The following CSMD3 variants were observed in gnomAD, a reference collection of about 807,000 sequenced individuals.
The protein encoded by CSMD3 is CUB and sushi domain-containing protein 3.
A neutral mutation model predicts 435.2 loss-of-function variants in CSMD3; 177 were observed. That is an observed-to-expected ratio of 0.41 (90% CI 0.36 to 0.46). The LOEUF (loss-of-function observed/expected upper bound fraction) is 0.46, where lower values mean the gene tolerates loss of function less well. Among genes scored for constraint, CSMD3 ranks in the 20% least tolerant of loss-of-function variants. The pLI is 0.34. For synonymous variants in CSMD3, 1,656 were observed against 1,520.5 expected (o/e 1.09, Z -2.07); for missense variants, 4,265 against 4,504.6 (o/e 0.95, Z 1.52).
chr8:112,644,808 C>T (rs1418133950), intron 20 of CSMD3, among the ~76,000 whole-genome samples: 2 of 152,066 alleles, frequency 1.3e-5, no homozygotes, highest in Admixed American at 1.3e-4. Flanking sequence ...ATGCCAGAAA[C>T]TAAAGCCCTC....
chr8:112,662,404 C>G (rs528088774), intron 17 of CSMD3, among the ~76,000 whole-genome samples: 42 of 151,234 alleles, frequency 2.8e-4, no homozygotes, highest in Middle Eastern at 6.8e-3. Context: ...ACAAACCTGA[C>G]AAAAACAAGA....
intron 12 of CSMD3, among the ~76,000 whole-genome samples, chr8:112,814,306 T>C (rs1355935603): frequency 1.3e-5 from 2 of 152,158 alleles, no homozygotes; most frequent in African/African-American, 2.4e-5. Context: ...GAGACAGTCA[T>C]TGTATTGAAA....
chr8:112,706,544 A>G (rs1199692239), intron 13 of CSMD3, among the ~76,000 whole-genome samples: 1 of 151,964 alleles, frequency 6.6e-6, no homozygotes, highest in Non-Finnish European at 1.5e-5. Context: ...TTAGGTATGG[A>G]GAGTAGTTTG....
At chr8:113,005,701 A>G (rs2086030909) in intron 6 of CSMD3, among the ~76,000 whole-genome samples, 1 of 152,038 alleles carries the variant, frequency 6.6e-6, no homozygotes, top group Admixed American at 6.6e-5. Flanking sequence ...TATATAATGT[A>G]AATAGGATTC....
At chr8:112,555,816 G>A (rs1828063943) in intron 25 of CSMD3, among the ~76,000 whole-genome samples, 1 of 151,882 alleles carries the variant, frequency 6.6e-6, no homozygotes, top group Admixed American at 6.6e-5. Flanking sequence ...TTTGTCAAAA[G>A]GTCCAGGTCT....
intron 1 of CSMD3, among the ~76,000 whole-genome samples, chr8:113,376,037 CTTTTA>C (rs2094380480): frequency 6.6e-6 from 1 of 152,062 alleles, no homozygotes; most frequent in Admixed American, 6.5e-5. Flanking sequence ...ATGAATGTAA[CTTTTA>C]TTTTGTCAAT....
chr8:113,357,480 T>C (rs1355147930), intron 1 of CSMD3, among the ~76,000 whole-genome samples: 1 of 152,224 alleles, frequency 6.6e-6, no homozygotes, highest in Non-Finnish European at 1.5e-5. Context: ...ATTTTAATTG[T>C]GTTTAATTTA....
At chr8:112,500,289 A>G (rs1408845405) in intron 30 of CSMD3, among the ~76,000 whole-genome samples, 1 of 152,212 alleles carries the variant, frequency 6.6e-6, no homozygotes, top group African/African-American at 2.4e-5. Flanking sequence ...TTTCATGTCA[A>G]TATGTGTGAA....
At chr8:112,419,302 G>A (rs1040419639) in intron 32 of CSMD3, among the ~76,000 whole-genome samples, 2 of 152,058 alleles carry the variant, frequency 1.3e-5, no homozygotes, top group African/African-American at 4.8e-5. Flanking sequence ...CTGCCTTTGA[G>A]CAAAAAAGTC....
At chr8:112,527,693 T>G (rs1356182444) in intron 27 of CSMD3, among the ~76,000 whole-genome samples, 6 of 152,040 alleles carry the variant, frequency 3.9e-5, no homozygotes, top group Non-Finnish European at 8.8e-5. Flanking sequence ...CTCAGTAAAT[T>G]TAAAACTAAT....
chr8:112,342,281 C>T (rs763696133), intron 41 of CSMD3, among the ~76,000 whole-genome samples: 2 of 151,868 alleles, frequency 1.3e-5, no homozygotes, highest in Non-Finnish European at 2.9e-5. Flanking sequence ...TATATGTGGT[C>T]ATATTGCAAT....
chr8:113,338,226 A>T (rs1430017751), intron 1 of CSMD3, among the ~76,000 whole-genome samples: 1 of 151,966 alleles, frequency 6.6e-6, no homozygotes, highest in Non-Finnish European at 1.5e-5. Flanking sequence ...ATGAGATACC[A>T]CTAGATAACC....
intron 40 of CSMD3, among the ~76,000 whole-genome samples, chr8:112,350,688 T>C (rs1826062210): frequency 6.6e-6 from 1 of 151,650 alleles, no homozygotes; most frequent in African/African-American, 2.4e-5. Context: ...AAAGCAAAAA[T>C]GTGCACCTGT....
chr8:112,377,923 T>A (rs555617184), intron 38 of CSMD3, among the ~76,000 whole-genome samples: 1 of 152,228 alleles, frequency 6.6e-6, no homozygotes, highest in Admixed American at 6.5e-5. Flanking sequence ...AAGCTTTTTC[T>A]TTATAATCAG....
chr8:112,822,628 T>A (rs11991751), intron 12 of CSMD3, among the ~76,000 whole-genome samples: 2,001 of 151,916 alleles, frequency 0.013, 43 homozygotes, highest in African/African-American at 0.046. Context: ...TTTATTTATT[T>A]CTCTTTATTT....
At chr8:112,692,913 A>ATATC (rs6150766) in intron 13 of CSMD3, among the ~76,000 whole-genome samples, 2,553 of 144,582 alleles carry the variant, frequency 0.018, 24 homozygotes, top group South Asian at 0.025. Flanking sequence ...ATTAATCTTT[A>ATATC]TATCTATCTA....
intron 30 of CSMD3, among the ~76,000 whole-genome samples, chr8:112,500,539 C>T (rs1821834317): frequency 6.6e-6 from 1 of 151,874 alleles, no homozygotes. Flanking sequence ...GATATCAAAA[C>T]CAGACAAAAA....
At chr8:112,519,530 T>C (rs956139822) in intron 27 of CSMD3, among the ~76,000 whole-genome samples, 7 of 152,190 alleles carry the variant, frequency 4.6e-5, no homozygotes, top group Non-Finnish European at 1.5e-5. Flanking sequence ...TACACAGATG[T>C]AGACTGTACT....
chr8:113,055,908 G>A (rs1211164828), intron 5 of CSMD3, among the ~76,000 whole-genome samples: 4 of 152,120 alleles, frequency 2.6e-5, no homozygotes, highest in South Asian at 2.1e-4. Flanking sequence ...CTTGCAAACC[G>A]CAGAAGGTCT....
Sources: gnomAD v4.1 joint callset for allele counts (sites outside exome capture counted in the v4.1 genomes callset) on GRCh38, gnomAD v4.1.1 for gene constraint, MANE v1.5 for transcripts, NCBI Gene and HGNC (gene_info 2026-07-23, HGNC 2026-07-21) for gene names.